The following KRT75 variants were observed in gnomAD, a reference collection of about 807,000 sequenced individuals.
KRT75 encodes keratin 75.
KRT75 carries 35 observed loss-of-function variants against 48.8 expected under a neutral mutation model. The observed-to-expected ratio is 0.72, with a 90% confidence interval of 0.55 to 0.95. KRT75 has a LOEUF of 0.95. Ranked by LOEUF, KRT75 falls within the 40% of genes least tolerant of loss-of-function variation. The pLI is 0.00. For missense variants in KRT75, 776 were observed against 709.9 expected (o/e 1.09, Z -1.06); for synonymous variants, 301 against 282.3 (o/e 1.07, Z -0.66).
intron 8 of KRT75, among the ~76,000 whole-genome samples, chr12:52,425,623 G>A (rs1565790740): frequency 6.6e-6 from 1 of 152,212 alleles, no homozygotes; most frequent in Non-Finnish European, 1.5e-5. Flanking sequence ...GGAACACCGA[G>A]GATGGATGGC....
At chr12:52,429,293 G>C (rs1337683462) in intron 5 of KRT75, among the ~76,000 whole-genome samples, 1 of 152,160 alleles carries the variant, frequency 6.6e-6, no homozygotes, top group Non-Finnish European at 1.5e-5. Context: ...CACCAGTGCT[G>C]GGGAAACAGG....
At position 52,433,206 on chromosome 12, in the gene KRT75, G is replaced by A. The variant is rs747148123; in HGVS notation, c.545C>T (p.Ala182Val). The change falls in exon 2 of 9, where the codon GCC becomes GTC. Residue 182 changes from alanine (A) to valine (V), a missense_variant. Transcript: ENST00000252245. Reference sequence around the variant, plus strand: ...CCTGGAGCCCTGCTCCTGCAGGAGGGCCCACTTGGTCTCCAGGACCTTGTT... The same window carrying A: ...CCTGGAGCCCTGCTCCTGCAGGAGGACCCACTTGGTCTCCAGGACCTTGTT... ...QQNKVLETKW[A>V]LLQEQGSRTV... 6.2e-7 allele frequency: 1 copy of A among 1,614,064 alleles called. No individual in the cohort carries two copies. The highest frequency in any genetic ancestry group is 8.5e-7 in the Non-Finnish European group (1 of 1,180,000).
At chr12:52,429,525 G>T (rs1419401061) in intron 5 of KRT75, among the ~76,000 whole-genome samples, 1 of 152,206 alleles carries the variant, frequency 6.6e-6, no homozygotes, top group Non-Finnish European at 1.5e-5. Flanking sequence ...CCAGAGTCAA[G>T]ATCTGTGGGG....
In KRT75 at chr12:52,424,329, C is replaced by T; in HGVS notation, c.*188G>A. On this transcript the variant is annotated 3_prime_UTR_variant, in exon 9 of 9. Transcript: ENST00000252245. ...GTTTCACATGTGTAACAGACGGGTGCTGCTGGCAGTCTGGGCACTGTCAGG... is the reference window on the plus strand; with the variant it reads ...GTTTCACATGTGTAACAGACGGGTGTTGCTGGCAGTCTGGGCACTGTCAGG... 1.4e-6 allele frequency: 1 copy of T among 712,012 alleles called. No homozygotes were observed. Among genetic ancestry groups the T allele is most frequent in the Non-Finnish European group, 2.6e-6 (1 of 390,666 alleles). The allele number at this position is 712,012 out of a possible 1,614,324, so 44.1% of individuals were successfully genotyped here. A position where few individuals can be genotyped will look rare whatever the true frequency, so the allele number is the denominator to read the frequency against.
chr12:52,428,969 AG>A (rs1337804492), intron 5 of KRT75, among the ~76,000 whole-genome samples: 1 of 152,220 alleles, frequency 6.6e-6, no homozygotes, highest in African/African-American at 2.4e-5. Context: ...GGAAATGAAC[AG>A]GGTCCTGGGA....
intron 2 of KRT75, among the ~76,000 whole-genome samples, chr12:52,432,621 G>T (rs192004314): frequency 7.9e-5 from 12 of 152,268 alleles, no homozygotes; most frequent in Admixed American, 3.9e-4. Flanking sequence ...CCCCCCACAA[G>T]AAAAGTCAGA....
chr12:52,430,349 T>C (rs1278066984), intron 5 of KRT75, among the ~76,000 whole-genome samples, 192 bp downstream of exon 5: 7 of 152,184 alleles, frequency 4.6e-5, no homozygotes, highest in Non-Finnish European at 1.0e-4. Flanking sequence ...AGCATTGGGC[T>C]GACCATGTAT....
At chr12:52,432,098 A>G (rs746854410) in intron 2 of KRT75, 32 bp from the exon 3 acceptor site, 43 of 1,611,692 alleles carry the variant, frequency 2.7e-5, no homozygotes, top group Non-Finnish European at 3.5e-5. Flanking sequence ...TGTGCTGTTG[A>G]GCAAGTCTGC....
rs767325223 is a variant in KRT75 at position 52,430,621 on chromosome 12, T to C, written c.955A>G (p.Ile319Val). The C allele has an allele frequency of 1.9e-6, 3 of 1,614,058 alleles. No homozygotes were observed. The highest frequency in any genetic ancestry group is 2.5e-6 in the Non-Finnish European group (3 of 1,180,038). ...TATTGTGCTTTGACCTCGGCGATGA[T>C]ACTATCCAGGTCCAGGTTGCGGTTG... ...DNNRNLDLDS[I>V]IAEVKAQYED... The change falls in exon 5 of 9, where the codon ATC becomes GTC. Residue 319 changes from isoleucine (I) to valine (V), a missense_variant. Ile to Val is a conservative substitution (Grantham distance 29). Transcript: ENST00000252245.
chr12:52,432,595 G>A (rs979165431), intron 2 of KRT75, among the ~76,000 whole-genome samples: 2 of 152,182 alleles, frequency 1.3e-5, no homozygotes, highest in African/African-American at 2.4e-5. Context: ...CCTGGATGAT[G>A]TGCAGTCAAA....
intron 6 of KRT75, 24 bp downstream of exon 6, chr12:52,428,594 C>T (rs763301682): frequency 8.7e-6 from 14 of 1,614,108 alleles, no homozygotes; most frequent in Non-Finnish European, 1.2e-5. Flanking sequence ...ATTTGAGGAG[C>T]TCTTGGCCCT....
In KRT75 at chr12:52,434,253, T is replaced by C. The variant is rs1592165217; in HGVS notation, c.52A>G (p.Ser18Gly). ...TFQSGSRRGF[S>G]TTSAITPAAG... The stretch of plus-strand genomic sequence containing the variant: ...GCCGGGGTGATGGCCGAGGTGGTGC[T>C]GAAGCCCCTGCGGCTGCCAGACTGG... The change falls in exon 1 of 9, where the codon AGC (serine) becomes GGC (glycine). Residue 18 changes from serine (S) to glycine (G), a missense_variant. Physicochemically the swap from Ser to Gly is moderately conservative, Grantham distance 56. Coordinates refer to ENST00000252245, the MANE Select transcript of KRT75 (RefSeq NM_004693.3). The C allele has an allele frequency of 6.3e-7, 1 of 1,588,520 alleles. No individual in the cohort carries two copies. Among genetic ancestry groups the C allele is most frequent in the South Asian group, 1.1e-5 (1 of 87,112 alleles).
chr12:52,432,150 C>T, intron 2 of KRT75, 84 bp from the exon 3 acceptor site: 2 of 1,365,064 alleles, frequency 1.5e-6, no homozygotes, highest in Non-Finnish European at 2.1e-6. Flanking sequence ...GTTAAGAGCC[C>T]TCAAATCATT....
intron 4 of KRT75, 127 bp from the exon 5 acceptor site, chr12:52,430,832 C>T: frequency 9.7e-7 from 1 of 1,034,158 alleles, no homozygotes; most frequent in South Asian, 1.3e-5. Context: ...CAGCTATTCC[C>T]TAGGTATTCC....
chr12:52,429,451 C>T (rs1592163191), intron 5 of KRT75, among the ~76,000 whole-genome samples: 2 of 152,284 alleles, frequency 1.3e-5, no homozygotes, highest in East Asian at 3.9e-4. Context: ...AATAATTACA[C>T]CCTGTCTCCT....
At chr12:52,431,105 G>A (rs989097788) in intron 4 of KRT75, among the ~76,000 whole-genome samples, 3 of 151,896 alleles carry the variant, frequency 2.0e-5, no homozygotes, top group African/African-American at 7.3e-5. Flanking sequence ...CACAGACCCA[G>A]GTCTCTGCCT....
In KRT75 at chr12:52,424,524, G is replaced by A. The variant is rs201872427; in HGVS notation, c.1649C>T (p.Thr550Met). The change falls in exon 9 of 9, where the codon ACG becomes ATG. Residue 550 changes from threonine (T) to methionine (M), a missense_variant. Coordinates refer to ENST00000252245, the MANE Select transcript of KRT75 (RefSeq NM_004693.3). Reference protein sequence around the residue: ...STTSSSQKSYTH With the variant: ...STTSSSQKSYMH The stretch of plus-strand genomic sequence containing the variant: ...GGGAGCCATGGGGCTCTCTTAGTGC[G>A]TGTAGCTCTTCTGGCTGGAGGATGT... 4.8e-5 allele frequency: 77 copies of A among 1,613,918 alleles called. No individual in the cohort carries two copies. Among genetic ancestry groups the A allele is most frequent in the Middle Eastern group, 1.6e-4 (1 of 6,062 alleles).
chr12:52,433,898 A>C lies in KRT75; in HGVS notation c.407T>G (p.Leu136Arg), dbSNP rs199855011. 1.2e-6 allele frequency: 2 copies of C among 1,614,018 alleles called. No homozygotes were observed. The highest frequency in any genetic ancestry group is 2.7e-5 in the African/African-American group (2 of 74,910). ...CCGCTGGATGGTGGGGTCGATTTGC[A>C]GGTGAAGAGGAGTCAGGAGACTCTG... is the stretch of plus-strand genomic sequence containing the variant. ...VNQSLLTPLH[L>R]QIDPTIQRVR... is the part of the protein sequence containing the mutation. The change falls in exon 1 of 9, where the codon CTG becomes CGG. Residue 136 changes from leucine to arginine, a missense_variant. Leu to Arg is a moderately radical substitution (Grantham distance 102, BLOSUM62 -2). Transcript: ENST00000252245.
intron 1 of KRT75, 44 bp from the exon 2 acceptor site, chr12:52,433,296 G>T: frequency 6.7e-7 from 1 of 1,497,040 alleles, no homozygotes; most frequent in Non-Finnish European, 9.3e-7. Flanking sequence ...AGTTGGAGAG[G>T]CAGAGTTAGA....
Sources: gnomAD v4.1 joint callset for allele counts (sites outside exome capture counted in the v4.1 genomes callset) on GRCh38, gnomAD v4.1.1 for gene constraint, MANE v1.5 for transcripts, NCBI Gene and HGNC (gene_info 2026-07-23, HGNC 2026-07-21) for gene names.